Variants in LRMDA observed in about 807,000 individuals in gnomAD.
LRMDA encodes the protein leucine rich melanocyte differentiation associated.
In LRMDA, 18 loss-of-function variants were observed where a neutral mutation model predicts 29.8. The observed-to-expected ratio is 0.60, with a 90% CI of 0.42 to 0.90. LRMDA has a LOEUF of 0.90. Among genes scored for constraint, LRMDA ranks in the 40% least tolerant of loss-of-function variants. The pLI, the probability that LRMDA is intolerant of heterozygous loss-of-function variation, is 0.00. For synonymous variants in LRMDA, 125 were observed against 109.4 expected (o/e 1.14, Z -0.89); for missense variants, 273 against 273.9 (o/e 1.00, Z 0.02).
At chr10:76,397,182 G>A (rs1841794836) in intron 6 of LRMDA, among the ~76,000 whole-genome samples, 1 of 152,184 alleles carries the variant, frequency 6.6e-6, no homozygotes, top group Admixed American at 6.5e-5. Flanking sequence ...CCCAGCAGCT[G>A]TGGAGGGAAT....
At chr10:75,892,510 A>G (rs1229452802) in intron 2 of LRMDA, among the ~76,000 whole-genome samples, 1 of 152,194 alleles carries the variant, frequency 6.6e-6, no homozygotes, top group Non-Finnish European at 1.5e-5. Context: ...ACCATTCCCA[A>G]TTCAGGGCAA....
chr10:75,525,532 T>C (rs567577541), intron 2 of LRMDA, among the ~76,000 whole-genome samples: 30 of 151,986 alleles, frequency 2.0e-4, no homozygotes, highest in Non-Finnish European at 3.2e-4. Context: ...TTGGTAAGAC[T>C]GGGATTGAGA....
chr10:76,016,301 G>T (rs995161339), intron 2 of LRMDA, among the ~76,000 whole-genome samples: 3 of 151,244 alleles, frequency 2.0e-5, no homozygotes, highest in Non-Finnish European at 2.9e-5. Flanking sequence ...GTCTAAAAAA[G>T]GTATATTACT....
intron 2 of LRMDA, among the ~76,000 whole-genome samples, chr10:75,750,773 A>G (rs1589187147): frequency 6.9e-6 from 1 of 145,686 alleles, no homozygotes; most frequent in African/African-American, 2.6e-5. Context: ...CCAGGCAGAG[A>G]CGCTCCTCAC....
At chr10:76,337,459 G>T (rs895490707) in intron 6 of LRMDA, among the ~76,000 whole-genome samples, 2 of 152,096 alleles carry the variant, frequency 1.3e-5, no homozygotes, top group African/African-American at 2.4e-5. Context: ...GGGAGGTGAG[G>T]CATGGAACCC....
chr10:76,057,212 T>G (rs1319771789), intron 4 of LRMDA, among the ~76,000 whole-genome samples: 1 of 152,180 alleles, frequency 6.6e-6, no homozygotes, highest in Non-Finnish European at 1.5e-5. Context: ...CCATAACCAC[T>G]CTATGCATAA....
chr10:76,060,710 G>A (rs1848690027), intron 5 of LRMDA, among the ~76,000 whole-genome samples: 1 of 152,184 alleles, frequency 6.6e-6, no homozygotes, highest in Non-Finnish European at 1.5e-5. Context: ...GTTGAGTAGA[G>A]GTGGGAGGAA....
At chr10:76,039,810 C>A (rs1356703563) in intron 3 of LRMDA, among the ~76,000 whole-genome samples, 1 of 152,160 alleles carries the variant, frequency 6.6e-6, no homozygotes, top group Admixed American at 6.5e-5. Flanking sequence ...GTATCTCAGA[C>A]ATATTAGATT....
At chr10:76,392,401 T>C (rs1841733156) in intron 6 of LRMDA, among the ~76,000 whole-genome samples, 1 of 152,146 alleles carries the variant, frequency 6.6e-6, no homozygotes, top group South Asian at 2.1e-4. Context: ...GTGGAATGGC[T>C]GAAAGGGGTT....
intron 2 of LRMDA, among the ~76,000 whole-genome samples, chr10:75,521,090 G>A (rs893924228): frequency 1.3e-5 from 2 of 152,144 alleles, no homozygotes; most frequent in Non-Finnish European, 2.9e-5. Flanking sequence ...CGTCCCAGAG[G>A]GGCATCCACC....
At chr10:75,642,566 G>A (rs940578492) in intron 2 of LRMDA, 3 of 152,164 alleles carry the variant, frequency 2.0e-5, no homozygotes, top group Admixed American at 6.5e-5. Flanking sequence ...TGTAGGGTTA[G>A]CTCTTGGCTG....
chr10:76,529,135 T>C (rs1843208471), intron 6 of LRMDA, among the ~76,000 whole-genome samples: 1 of 152,154 alleles, frequency 6.6e-6, no homozygotes, highest in South Asian at 2.1e-4. Context: ...TCACCTGTGC[T>C]TGGTGATGAA....
At chr10:75,514,286 C>G (rs889008303) in intron 2 of LRMDA, among the ~76,000 whole-genome samples, 2 of 150,840 alleles carry the variant, frequency 1.3e-5, no homozygotes, top group Non-Finnish European at 3.0e-5. Flanking sequence ...TTCTTCCTTC[C>G]TCCTCCCTCC....
chr10:75,692,462 TAC>T (rs1379260899), intron 2 of LRMDA, among the ~76,000 whole-genome samples: 6 of 150,720 alleles, frequency 4.0e-5, no homozygotes, highest in Non-Finnish European at 8.9e-5. Context: ...TACAAGTGTA[TAC>T]ACACATACAC....
At chr10:75,815,197 G>C (rs914737286) in intron 2 of LRMDA, among the ~76,000 whole-genome samples, 4 of 152,154 alleles carry the variant, frequency 2.6e-5, no homozygotes, top group Non-Finnish European at 4.4e-5. Flanking sequence ...ATCCACACAG[G>C]CATATGGAGA....
chr10:76,327,831 TG>T (rs1196235382), intron 6 of LRMDA, among the ~76,000 whole-genome samples: 2 of 152,190 alleles, frequency 1.3e-5, no homozygotes, highest in African/African-American at 4.8e-5. Context: ...CCATCAGGGA[TG>T]GGTGTCATAT....
chr10:75,683,324 G>C (rs765378912), intron 2 of LRMDA, among the ~76,000 whole-genome samples: 1 of 152,192 alleles, frequency 6.6e-6, no homozygotes, highest in Non-Finnish European at 1.5e-5. Context: ...GCGTCAGTTA[G>C]ACACGCTTGC....
intron 5 of LRMDA, among the ~76,000 whole-genome samples, chr10:76,194,173 G>T (rs113587013): frequency 6.6e-6 from 1 of 152,316 alleles, no homozygotes; most frequent in African/African-American, 2.4e-5. Flanking sequence ...TGTTGCAGAA[G>T]TGCTTAGATT....
chr10:76,380,932 TC>T (rs2132471047), intron 6 of LRMDA, among the ~76,000 whole-genome samples: 1 of 151,566 alleles, frequency 6.6e-6, no homozygotes, highest in Admixed American at 6.6e-5. Flanking sequence ...ATAAATAATT[TC>T]AAATAAAACC....
Sources: gnomAD v4.1 joint callset for allele counts (sites outside exome capture counted in the v4.1 genomes callset) on GRCh38, gnomAD v4.1.1 for gene constraint, MANE v1.5 for transcripts, NCBI Gene and HGNC (gene_info 2026-07-23, HGNC 2026-07-21) for gene names.